The following CADM2 variants were observed in gnomAD, a reference collection of about 807,000 sequenced individuals.
The protein encoded by CADM2 is cell adhesion molecule 2.
A neutral mutation model predicts 49.8 loss-of-function variants in CADM2; 12 were observed. That is an observed-to-expected ratio of 0.24 (90% confidence interval 0.15 to 0.39). The LOEUF (loss-of-function observed/expected upper bound fraction) is 0.39. Among genes scored for constraint, CADM2 ranks in the 10% least tolerant of loss-of-function variants. The pLI, the probability that CADM2 is intolerant of heterozygous loss-of-function variation, is 1.00. For missense variants in CADM2, 378 were observed against 492.3 expected, an observed-to-expected ratio of 0.77 and a Z score of 2.20; for synonymous variants, 214 against 175.4, an observed-to-expected ratio of 1.22 and a Z score of -1.74.
rs1576391001 is a variant in CADM2 at position 85,347,515 on chromosome 3, A to C, written c.62-379007A>C. 2.7e-5 allele frequency among the ~76,000 whole-genome samples: 4 copies of C among 145,866 alleles called. No homozygotes were observed. The South Asian group carries it at 8.4e-4, about 30-fold the overall frequency. On this transcript the variant is annotated intron_variant, in intron 1 of 9. Transcript: ENST00000383699. ...CATATATATATAAATATATATACAC[A>C]CATATATATAAATGTATACACACAT...
At chr3:85,518,099 C>T (rs370264148) in intron 1 of CADM2, among the ~76,000 whole-genome samples, 11 of 152,062 alleles carry the variant, frequency 7.2e-5, no homozygotes, top group South Asian at 2.1e-4. Context: ...CTCTGCCTCC[C>T]GGGTTCAAGC....
chr3:85,341,112 C>G (rs1265809428), intron 1 of CADM2, among the ~76,000 whole-genome samples: 1 of 149,816 alleles, frequency 6.7e-6, no homozygotes, highest in African/African-American at 2.4e-5. Flanking sequence ...CTCTCTTGTC[C>G]TTTTTTTTTA....
At chr3:86,031,711 G>T (rs1377372900) in intron 8 of CADM2, among the ~76,000 whole-genome samples, 6 of 151,666 alleles carry the variant, frequency 4.0e-5, no homozygotes, top group Admixed American at 4.0e-4. Flanking sequence ...TACATTGCTT[G>T]GGAATTACAT....
At chr3:85,697,211 T>C (rs1016260521) in intron 1 of CADM2, among the ~76,000 whole-genome samples, 1 of 151,794 alleles carries the variant, frequency 6.6e-6, no homozygotes, top group Non-Finnish European at 1.5e-5. Context: ...CTGCTTGTAA[T>C]TCATTCATAA....
intron 8 of CADM2, among the ~76,000 whole-genome samples, chr3:85,973,607 T>TA (rs1726427223): frequency 4.6e-5 from 7 of 151,906 alleles, no homozygotes; most frequent in Admixed American, 4.6e-4. Context: ...GTGTACTGCA[T>TA]ACTTTATTAT....
chr3:85,446,257 A>G (rs1403363121), intron 1 of CADM2, among the ~76,000 whole-genome samples: 1 of 152,198 alleles, frequency 6.6e-6, no homozygotes, highest in African/African-American at 2.4e-5. Flanking sequence ...TACAAAATAA[A>G]GGTGTAATCT....
chr3:85,422,317 G>T (rs1317992480), intron 1 of CADM2, among the ~76,000 whole-genome samples: 1 of 151,684 alleles, frequency 6.6e-6, no homozygotes, highest in African/African-American at 2.4e-5. Flanking sequence ...AGTCTCTGTC[G>T]CCCAGGCTGG....
chr3:85,665,490 G>A (rs1404409695), intron 1 of CADM2, among the ~76,000 whole-genome samples: 2 of 151,818 alleles, frequency 1.3e-5, no homozygotes, highest in Non-Finnish European at 1.5e-5. Flanking sequence ...AGTTAATTTT[G>A]TTTTGAATTT....
chr3:86,062,497 G>T (rs1483049026), intron 8 of CADM2, among the ~76,000 whole-genome samples: 2 of 152,026 alleles, frequency 1.3e-5, no homozygotes, highest in African/African-American at 4.8e-5. Flanking sequence ...GTATTGTTAG[G>T]CTGGGTGCAG....
chr3:85,605,200 A>G (rs1458417503), intron 1 of CADM2, among the ~76,000 whole-genome samples: 2 of 152,076 alleles, frequency 1.3e-5, no homozygotes, highest in Admixed American at 6.6e-5. Flanking sequence ...CTCAGCATGT[A>G]TAATAAGAAG....
At chr3:85,305,935 G>A (rs1029989108) in intron 1 of CADM2, among the ~76,000 whole-genome samples, 4 of 151,656 alleles carry the variant, frequency 2.6e-5, no homozygotes, top group African/African-American at 9.6e-5. Context: ...GCAGGATCCA[G>A]CAATAAATAC....
At chr3:85,315,137 T>C (rs992781998) in intron 1 of CADM2, among the ~76,000 whole-genome samples, 1 of 152,144 alleles carries the variant, frequency 6.6e-6, no homozygotes, top group African/African-American at 2.4e-5. Flanking sequence ...GTTTCCCTCA[T>C]CATATGGCTG....
intron 1 of CADM2, among the ~76,000 whole-genome samples, chr3:85,633,649 T>C (rs1257053992): frequency 6.6e-6 from 1 of 152,058 alleles, no homozygotes; most frequent in East Asian, 1.9e-4. Context: ...AATCCTGTTT[T>C]TCATAGAATA....
intron 1 of CADM2, among the ~76,000 whole-genome samples, chr3:85,123,143 T>A (rs1161728380): frequency 6.6e-6 from 1 of 152,174 alleles, no homozygotes; most frequent in African/African-American, 2.4e-5. Flanking sequence ...CCCATGCTTT[T>A]TTCTTTTCCT....
chr3:84,973,827 C>G (rs776263557), intron 1 of CADM2, among the ~76,000 whole-genome samples: 1 of 152,144 alleles, frequency 6.6e-6, no homozygotes, highest in Admixed American at 6.6e-5. Flanking sequence ...TACAATACAT[C>G]ATGCTTGGTT....
intron 2 of CADM2, among the ~76,000 whole-genome samples, chr3:85,746,156 C>T (rs541724555): frequency 4.6e-5 from 7 of 152,236 alleles, no homozygotes; most frequent in Admixed American, 4.6e-4. Context: ...CAACTAGAAC[C>T]TCATTATGAA....
At chr3:85,030,538 T>C (rs2034932818) in intron 1 of CADM2, among the ~76,000 whole-genome samples, 1 of 152,242 alleles carries the variant, frequency 6.6e-6, no homozygotes, top group Admixed American at 6.5e-5. Flanking sequence ...TTTTATGAAC[T>C]TTTGAGCCAT....
chr3:85,146,673 T>G (rs2107637952), intron 1 of CADM2, among the ~76,000 whole-genome samples: 1 of 152,330 alleles, frequency 6.6e-6, no homozygotes, highest in Non-Finnish European at 1.5e-5. Flanking sequence ...ACATAAATTT[T>G]TAAGTTTCCA....
intron 1 of CADM2, among the ~76,000 whole-genome samples, chr3:85,449,869 A>T (rs1010718529): frequency 7.2e-5 from 11 of 152,126 alleles, no homozygotes; most frequent in African/African-American, 2.7e-4. Context: ...CGTTGACAAT[A>T]CACCTTTTTT....
Sources: gnomAD v4.1 joint callset for allele counts (sites outside exome capture counted in the v4.1 genomes callset) on GRCh38, gnomAD v4.1.1 for gene constraint, MANE v1.5 for transcripts, NCBI Gene and HGNC (gene_info 2026-07-23, HGNC 2026-07-21) for gene names.